Variants in EPM2A observed in about 807,000 individuals in gnomAD.
EPM2A encodes EPM2A glucan phosphatase, laforin.
Under a neutral mutation model 26.5 loss-of-function variants are expected in EPM2A, and 21 were observed. That is an observed-to-expected ratio of 0.79 (90% confidence interval 0.56 to 1.14). The LOEUF (loss-of-function observed/expected upper bound fraction) is 1.14. Ranked by LOEUF, EPM2A falls within the 50% of genes most tolerant of loss-of-function variation. The pLI is 0.00. For synonymous variants in EPM2A, 217 were observed against 177.6 expected, an observed-to-expected ratio of 1.22 and a Z score of -1.76; for missense variants, 458 against 440.8, an observed-to-expected ratio of 1.04 and a Z score of -0.35.
intron 3 of EPM2A, chr6:145,631,021 A>G (rs1295492634): frequency 1.3e-5 from 2 of 152,210 alleles, no homozygotes; most frequent in East Asian, 1.9e-4. Context: ...CATCTTGTCA[A>G]TCTGGATTCT....
Position 145,595,470 on chromosome 6 carries a change from C to T in EPM2A, c.340+39775G>A, listed in dbSNP as rs150559643. On this transcript the variant is annotated intron_variant, in intron 2 of 3. Transcript: ENST00000450221. ...TTTATCCTTTTAATTTAATCAAATT[C>T]TCAGAAAAAATTTATATTGATTTTA... is the stretch of plus-strand genomic sequence containing the variant. Among the ~76,000 whole-genome samples the T allele has an allele frequency of 5.7e-3, 758 of 132,962 alleles. 4 individuals carry two copies. The highest frequency in any genetic ancestry group is 0.022 in the African/African-American group (738 of 33,858). 87.2% of individuals were successfully genotyped at this position (132,962 alleles called of 152,430 possible).
chr6:145,405,103 G>A (rs558707557), intron 4 of EPM2A, among the ~76,000 whole-genome samples: 1 of 152,074 alleles, frequency 6.6e-6, no homozygotes, highest in Non-Finnish European at 1.5e-5. Flanking sequence ...TAATTGGATT[G>A]CTGCTGTTGT....
chr6:145,649,059 A>G (rs976243574), intron 2 of EPM2A, among the ~76,000 whole-genome samples: 18 of 152,132 alleles, frequency 1.2e-4, no homozygotes, highest in African/African-American at 4.1e-4. Context: ...TATGCTTGTG[A>G]CCTTTGCAAA....
At chr6:145,605,034 G>A (rs574486612) in intron 2 of EPM2A, among the ~76,000 whole-genome samples, 203 of 152,172 alleles carry the variant, frequency 1.3e-3, no homozygotes, top group Non-Finnish European at 1.9e-3. Flanking sequence ...TAATGGAGAG[G>A]GGTAATCATT....
At chr6:145,663,157 G>C (rs568286943) in intron 2 of EPM2A, among the ~76,000 whole-genome samples, 1 of 152,142 alleles carries the variant, frequency 6.6e-6, no homozygotes, top group Non-Finnish European at 1.5e-5. Context: ...AACATCAAGT[G>C]CCTATTCCTA....
intron 2 of EPM2A, among the ~76,000 whole-genome samples, chr6:145,646,544 C>T (rs1325985667): frequency 6.6e-6 from 1 of 152,040 alleles, no homozygotes; most frequent in African/African-American, 2.4e-5. Context: ...CTACTGATCA[C>T]CCTATTACCC....
At chr6:145,428,150 C>T (rs1582747527) in intron 4 of EPM2A, among the ~76,000 whole-genome samples, 1 of 140,318 alleles carries the variant, frequency 7.1e-6, no homozygotes, top group Admixed American at 7.5e-5. Flanking sequence ...AATTATGCAT[C>T]CTAATCTTAT....
At chr6:145,705,579 G>A (rs1156488766) in intron 1 of EPM2A, 1 of 456,232 alleles carries the variant, frequency 2.2e-6, no homozygotes, top group Admixed American at 2.4e-5. Context: ...AAGAAAAAGT[G>A]CAGGGGTTTG....
At chr6:145,645,162 TAC>T (rs1326843811) in intron 2 of EPM2A, among the ~76,000 whole-genome samples, 1 of 152,228 alleles carries the variant, frequency 6.6e-6, no homozygotes, top group Non-Finnish European at 1.5e-5. Flanking sequence ...CTAATGAGCA[TAC>T]CTAGCTTCTA....
chr6:145,626,922 T>G lies in EPM2A; in HGVS notation c.*494A>C. ...CCTGAAAGCCATCACTTTTTGACCATAGTGAGCTCTTCTTTTGTAACGGTT... is the reference window on the plus strand; with the variant it reads ...CCTGAAAGCCATCACTTTTTGACCAGAGTGAGCTCTTCTTTTGTAACGGTT... On this transcript the variant is annotated 3_prime_UTR_variant, in exon 4 of 4. Coordinates refer to ENST00000367519, the MANE Select transcript of EPM2A (RefSeq NM_005670.4). 9.9e-7 allele frequency: 1 copy of G among 1,007,282 alleles called. No homozygotes were observed. The highest frequency in any genetic ancestry group is 1.2e-6 in the Non-Finnish European group (1 of 841,924). 62.4% of individuals were successfully genotyped at this position (1,007,282 alleles called of 1,614,324 possible).
At chr6:145,573,489 A>C (rs1282629480) in intron 2 of EPM2A, among the ~76,000 whole-genome samples, 1 of 152,234 alleles carries the variant, frequency 6.6e-6, no homozygotes, top group East Asian at 1.9e-4. Flanking sequence ...GTCGTTCTTC[A>C]AGATCCATCT....
intron 3 of EPM2A, chr6:145,630,728 G>A (rs1389115476): frequency 6.6e-6 from 1 of 152,190 alleles, no homozygotes; most frequent in Non-Finnish European, 1.5e-5. Flanking sequence ...CACCCGCTTT[G>A]GTTGATGGTA....
chr6:145,669,695 C>A (rs1403351985), intron 2 of EPM2A, among the ~76,000 whole-genome samples: 3 of 152,114 alleles, frequency 2.0e-5, no homozygotes, highest in African/African-American at 4.8e-5. Flanking sequence ...ACATAGAAAA[C>A]CCTGGAAAAA....
intron 4 of EPM2A, among the ~76,000 whole-genome samples, chr6:145,399,849 T>A (rs1778459106): frequency 6.6e-6 from 1 of 152,218 alleles, no homozygotes; most frequent in Non-Finnish European, 1.5e-5. Context: ...TCTTTTTGGC[T>A]ATCTCCTGAC....
intron 4 of EPM2A, among the ~76,000 whole-genome samples, chr6:145,456,070 T>C (rs776428602): frequency 8.5e-5 from 13 of 152,190 alleles, no homozygotes; most frequent in Non-Finnish European, 1.5e-4. Flanking sequence ...GTTGTTCTTA[T>C]TGTATGTAAA....
At chr6:145,673,628 G>A (rs1413351892) in intron 2 of EPM2A, among the ~76,000 whole-genome samples, 4 of 152,130 alleles carry the variant, frequency 2.6e-5, no homozygotes, top group Non-Finnish European at 5.9e-5. Context: ...ATTCTCTCCC[G>A]TGCCTAGCTC....
intron 2 of EPM2A, among the ~76,000 whole-genome samples, chr6:145,619,525 T>G (rs892539818): frequency 6.6e-6 from 1 of 152,192 alleles, no homozygotes; most frequent in Non-Finnish European, 1.5e-5. Flanking sequence ...GGGGATGCAG[T>G]ACTGCAGGAG....
chr6:145,499,484 T>C (rs909719273), downstream of EPM2A, among the ~76,000 whole-genome samples: 5 of 152,342 alleles, frequency 3.3e-5, no homozygotes, highest in Non-Finnish European at 7.3e-5. Flanking sequence ...TTATCAACTT[T>C]TGCAATTAAT....
rs201976676 is a variant in EPM2A, at chr6:145,582,161, A to ATT, written c.340+53082_340+53083dup. Among the ~76,000 whole-genome samples, 7 of 151,452 alleles carry ATT rather than the reference A, an allele frequency of 4.6e-5. 1 individual carries two copies. Among genetic ancestry groups the ATT allele is most frequent in the Admixed American group, 1.3e-4 (2 of 15,220 alleles). ...GTATCCTTGTTTTCATTAGATTCAA[A>ATT]TTTTTTTTTATTTCTGCCTTAATTT... is the stretch of plus-strand genomic sequence containing the variant. On this transcript the variant is annotated intron_variant, in intron 2 of 3. Transcript: ENST00000450221.
Sources: gnomAD v4.1 joint callset for allele counts (sites outside exome capture counted in the v4.1 genomes callset) on GRCh38, gnomAD v4.1.1 for gene constraint, MANE v1.5 for transcripts, NCBI Gene and HGNC (gene_info 2026-07-23, HGNC 2026-07-21) for gene names.